Variants in ME3 observed in about 807,000 individuals in gnomAD.
ME3 encodes NADP-dependent malic enzyme, mitochondrial.
In ME3, 48 loss-of-function variants were observed where a neutral mutation model predicts 68.9. That is an observed-to-expected ratio of 0.70 (90% CI 0.55 to 0.89). The LOEUF is 0.89. Ranked by LOEUF, ME3 falls within the 40% of genes least tolerant of loss-of-function variation. The probability of loss-of-function intolerance (pLI) is 0.00; values close to 1 mark genes in which losing one functional copy is unlikely to be tolerated. For synonymous variants in ME3, 320 were observed against 318.8 expected, an observed-to-expected ratio of 1.00 and a Z score of -0.04; for missense variants, 675 against 797.4, an observed-to-expected ratio of 0.85 and a Z score of 1.85.
chr11:86,547,255 A>G (rs946761498), intron 4 of ME3, among the ~76,000 whole-genome samples: 10 of 151,612 alleles, frequency 6.6e-5, no homozygotes, highest in African/African-American at 7.3e-5. Flanking sequence ...AAAAAAAAAA[A>G]AAAAAGAAAA....
chr11:86,644,639 G>C (rs888003400), intron 2 of ME3, among the ~76,000 whole-genome samples: 2 of 152,142 alleles, frequency 1.3e-5, no homozygotes, highest in African/African-American at 2.4e-5. Flanking sequence ...CCTCTGGCTG[G>C]CTCTTTCTTT....
At chr11:86,492,057 G>A (rs1354064869) in intron 6 of ME3, among the ~76,000 whole-genome samples, 2 of 152,238 alleles carry the variant, frequency 1.3e-5, no homozygotes, top group African/African-American at 4.8e-5. Context: ...CCTCAGTAGG[G>A]CCCAAAGGGG....
intron 4 of ME3, among the ~76,000 whole-genome samples, chr11:86,509,106 C>G (rs1953308092): frequency 6.6e-6 from 1 of 152,164 alleles, no homozygotes; most frequent in South Asian, 2.1e-4. Context: ...AGCCTGTGCT[C>G]CCCAGAGTCT....
At chr11:86,594,205 C>T (rs185315816) in intron 2 of ME3, among the ~76,000 whole-genome samples, 3 of 146,842 alleles carry the variant, frequency 2.0e-5, no homozygotes, top group African/African-American at 7.5e-5. Context: ...TTTATAACTC[C>T]AGTACATAAG....
intron 2 of ME3, among the ~76,000 whole-genome samples, chr11:86,639,110 T>G (rs926886561): frequency 6.6e-6 from 1 of 152,244 alleles, no homozygotes; most frequent in Non-Finnish European, 1.5e-5. Context: ...ATGTTCTTAT[T>G]ACTACATCTG....
chr11:86,647,184 C>G (rs1354832708), intron 2 of ME3, among the ~76,000 whole-genome samples: 1 of 152,200 alleles, frequency 6.6e-6, no homozygotes, highest in Admixed American at 6.5e-5. Flanking sequence ...ATGACAGGAT[C>G]AGATTCACAC....
chr11:86,658,860 C>T (rs1377229109), intron 2 of ME3, among the ~76,000 whole-genome samples: 1 of 152,150 alleles, frequency 6.6e-6, no homozygotes, highest in East Asian at 1.9e-4. Context: ...ATTTAAAAGT[C>T]TGTTTCTAAA....
intron 11 of ME3, among the ~76,000 whole-genome samples, chr11:86,447,925 G>T (rs1369897964): frequency 6.6e-6 from 1 of 150,806 alleles, no homozygotes; most frequent in Middle Eastern, 3.2e-3. Flanking sequence ...CTTACTCACT[G>T]CATTGTATAT....
intron 8 of ME3, among the ~76,000 whole-genome samples, chr11:86,460,688 C>G (rs1950186171): frequency 6.6e-6 from 1 of 152,230 alleles, no homozygotes; most frequent in Non-Finnish European, 1.5e-5. Context: ...CTTCCTCCTC[C>G]TTCCCACACT....
intron 2 of ME3, among the ~76,000 whole-genome samples, chr11:86,609,520 C>G (rs573787540): frequency 1.8e-4 from 27 of 152,204 alleles, no homozygotes; most frequent in African/African-American, 4.6e-4. Context: ...TTGAATTAGG[C>G]CTGTCTTCAA....
intron 4 of ME3, among the ~76,000 whole-genome samples, chr11:86,521,413 C>G (rs11234673): frequency 7.1e-5 from 8 of 112,346 alleles, no homozygotes; most frequent in African/African-American, 2.8e-4. Context: ...ACAAACAAAA[C>G]AAAACAAAAC....
intron 2 of ME3, among the ~76,000 whole-genome samples, chr11:86,670,353 G>A (rs77308972): frequency 0.012 from 1,902 of 152,348 alleles, 16 homozygotes; most frequent in Middle Eastern, 0.024. Flanking sequence ...GAGAGGCAGA[G>A]TAGAGAGCCA....
At chr11:86,452,961 G>A (rs936685598) in intron 8 of ME3, among the ~76,000 whole-genome samples, 1 of 151,990 alleles carries the variant, frequency 6.6e-6, no homozygotes, top group African/African-American at 2.4e-5. Context: ...ATAGTTGAAT[G>A]TTGTGAGGCA....
At chr11:86,532,702 C>T (rs1955348141) in intron 4 of ME3, among the ~76,000 whole-genome samples, 1 of 152,096 alleles carries the variant, frequency 6.6e-6, no homozygotes, top group Non-Finnish European at 1.5e-5. Flanking sequence ...CATAATGTAA[C>T]ATATGAGATG....
chr11:86,557,916 GTTAT>G (rs1362192893), intron 3 of ME3, among the ~76,000 whole-genome samples: 1 of 152,136 alleles, frequency 6.6e-6, no homozygotes, highest in African/African-American at 2.4e-5. Context: ...CAGATAACCA[GTTAT>G]TAAAGATTTA....
At chr11:86,553,526 G>A (rs561031010) in intron 4 of ME3, among the ~76,000 whole-genome samples, 1 of 152,248 alleles carries the variant, frequency 6.6e-6, no homozygotes, top group Admixed American at 6.5e-5. Flanking sequence ...AGGCAGGTGT[G>A]GAATCCACAC....
At chr11:86,509,426 A>ACACG (rs199851182) in intron 4 of ME3, among the ~76,000 whole-genome samples, 1 of 138,270 alleles carries the variant, frequency 7.2e-6, no homozygotes, top group African/African-American at 2.7e-5. Context: ...ACACACACAC[A>ACACG]CACGCATGTG....
chr11:86,501,757 T>G (rs1219406253), intron 5 of ME3, among the ~76,000 whole-genome samples: 2 of 152,246 alleles, frequency 1.3e-5, no homozygotes, highest in Admixed American at 6.5e-5. Flanking sequence ...TCTCTGTTAG[T>G]CAACCACAGC....
intron 6 of ME3, among the ~76,000 whole-genome samples, chr11:86,492,830 C>T (rs1211147834): frequency 6.6e-6 from 1 of 152,200 alleles, no homozygotes; most frequent in Non-Finnish European, 1.5e-5. Context: ...TGGATTTCAG[C>T]TGGAAGACAG....
Sources: allele counts gnomAD v4.1 joint callset (sites outside exome capture counted in the v4.1 genomes callset), GRCh38; gene constraint gnomAD v4.1.1; transcripts MANE v1.5; gene names NCBI Gene and HGNC (gene_info 2026-07-23, HGNC 2026-07-21).